MPHOSPH8: variants seen among roughly 807,000 people sequenced by gnomAD.
MPHOSPH8 encodes the protein M-phase phosphoprotein, mpp.
MPHOSPH8 carries 45 observed loss-of-function variants against 87.3 expected under a neutral mutation model. The observed-to-expected ratio is 0.52, with a 90% CI of 0.41 to 0.66. MPHOSPH8 has a LOEUF of 0.66. MPHOSPH8 is among the 30% of genes least tolerant of loss of function. The probability of loss-of-function intolerance (pLI) is 0.00; values close to 1 mark genes in which losing one functional copy is unlikely to be tolerated. For missense variants in MPHOSPH8, 883 were observed against 1,020.2 expected, an observed-to-expected ratio of 0.87 and a Z score of 1.83; for synonymous variants, 366 against 376.9, an observed-to-expected ratio of 0.97 and a Z score of 0.33.
intron 4 of MPHOSPH8, 57 bp downstream of exon 4, chr13:19,648,578 C>A: frequency 1.3e-6 from 1 of 753,016 alleles, no homozygotes; most frequent in Non-Finnish European, 1.9e-6. Flanking sequence ...TACAAATAAC[C>A]AGTTACCTAA....
At chr13:19,665,165 G>T (rs1429566617) in intron 9 of MPHOSPH8, among the ~76,000 whole-genome samples, 2 of 152,116 alleles carry the variant, frequency 1.3e-5, no homozygotes, top group Admixed American at 1.3e-4. Context: ...GAGCGGACAT[G>T]TAGCACTTAT....
At chr13:19,670,398 ATTC>A (rs1565945416) in intron 12 of MPHOSPH8, 35 bp downstream of exon 12, 2 of 1,598,980 alleles carry the variant, frequency 1.3e-6, no homozygotes, top group Non-Finnish European at 1.7e-6. Context: ...TGAAAAGTAC[ATTC>A]TTCTAATCAA....
intron 5 of MPHOSPH8, among the ~76,000 whole-genome samples, chr13:19,654,177 A>T (rs970059324): frequency 6.6e-6 from 1 of 152,246 alleles, no homozygotes; most frequent in African/African-American, 2.4e-5. Context: ...TTACCCACAA[A>T]GGGAAGCCTG....
rs764340085 is a variant in MPHOSPH8 at position 19,661,795 on chromosome 13, G to A, written c.1889G>A (p.Arg630Gln). The A allele has an allele frequency of 1.2e-5, 20 of 1,613,352 alleles. No individual in the cohort carries two copies. The highest frequency in any genetic ancestry group is 3.3e-5 in the Admixed American group (2 of 59,948). ...LITKGAKVNG[R>Q]QKNGTTALIH... ...ACAAAAGGCGCGAAAGTGAACGGTC[G>A]GCAGAAGAACGGGACCACCGCCCTC... Residue 630 changes from arginine (R) to glutamine (Q), a missense_variant, in exon 8 of 14, where the codon CGG becomes CAG. By Grantham distance (43) the Arg-to-Gln change is conservative (BLOSUM62 1). Around this residue, in one of 3 missense-constraint regions of MPHOSPH8, gnomAD observed 741 missense variants for 841.5 expected, o/e 0.88. Coordinates refer to ENST00000361479, the MANE Select transcript of MPHOSPH8 (RefSeq NM_017520.4).
rs751591575 is a variant in MPHOSPH8, at chr13:19,661,805, C to A, written c.1899C>A (p.Asn633Lys). 6 of 1,613,100 alleles carry A rather than the reference C, an allele frequency of 3.7e-6. No individual in the cohort carries two copies. The highest frequency in any genetic ancestry group is 1.1e-5 in the South Asian group (1 of 90,868). Residue 633 changes from asparagine to lysine, a missense_variant, in exon 8 of 14, where the codon AAC becomes AAA. Around this residue, in one of 3 missense-constraint regions of MPHOSPH8, gnomAD observed 741 missense variants for 841.5 expected, o/e 0.88. Transcript: ENST00000361479. The part of the protein sequence containing the change: ...KGAKVNGRQK[N>K]GTTALIHAAE... ...CGAAAGTGAACGGTCGGCAGAAGAA[C>A]GGGACCACCGCCCTCATTCATGCTG...
chr13:19,638,982 G>C (rs148733103), intron 1 of MPHOSPH8, among the ~76,000 whole-genome samples: 2,535 of 151,422 alleles, frequency 0.017, 66 homozygotes, highest in African/African-American at 0.057. Context: ...ACTTGGGAGG[G>C]AGAGGCAGGA....
chr13:19,666,025 CTG>C (rs1875795174), intron 9 of MPHOSPH8, among the ~76,000 whole-genome samples: 1 of 152,300 alleles, frequency 6.6e-6, no homozygotes, highest in Admixed American at 6.5e-5. Context: ...TTACGTATCT[CTG>C]CGCCTCGCTG....
At chr13:19,650,708 G>T (rs1198810455) in intron 5 of MPHOSPH8, among the ~76,000 whole-genome samples, 2 of 152,198 alleles carry the variant, frequency 1.3e-5, no homozygotes, top group Non-Finnish European at 2.9e-5. Context: ...GACTACAGTA[G>T]TGGTGGGGAG....
chr13:19,669,616 C>G, intron 11 of MPHOSPH8, among the ~76,000 whole-genome samples: 1 of 150,840 alleles, frequency 6.6e-6, no homozygotes, highest in East Asian at 2.0e-4. Flanking sequence ...TCAAGCAATT[C>G]TCCTGCCTCA....
chr13:19,664,027 G>A (rs1057390029), intron 9 of MPHOSPH8, among the ~76,000 whole-genome samples: 5 of 152,050 alleles, frequency 3.3e-5, no homozygotes, highest in African/African-American at 7.2e-5. Context: ...TCTGTCGCCC[G>A]GGCTGGAGTG....
In MPHOSPH8 at chr13:19,633,805, C is replaced by T. The variant is rs113455539; in HGVS notation, c.57C>T (p.Asp19=). 2.2e-3 allele frequency: 3,589 copies of T among 1,609,476 alleles called. 72 individuals are homozygous for T. In the African/African-American group the frequency reaches 0.037, roughly 17 times the overall value. ...RVTAVPVSAA[D]STEELAEVEE... The stretch of plus-strand genomic sequence containing the variant: ...CCGCAGTCCCTGTGTCAGCTGCCGA[C>T]AGCACTGAGGAGTTGGCCGAAGTCG... The change falls in exon 1 of 14, where the codon GAC becomes GAT. Residue 19 remains aspartate (D), a synonymous_variant. Coordinates refer to ENST00000361479, the MANE Select transcript of MPHOSPH8 (RefSeq NM_017520.4).
chr13:19,647,605 A>G (rs1243172116), intron 3 of MPHOSPH8, among the ~76,000 whole-genome samples: 1 of 152,228 alleles, frequency 6.6e-6, no homozygotes. Context: ...TTAACTTTTC[A>G]CATCCTGCTT....
intron 5 of MPHOSPH8, among the ~76,000 whole-genome samples, chr13:19,658,780 G>C (rs1875346536): frequency 6.6e-6 from 1 of 152,096 alleles, no homozygotes; most frequent in Non-Finnish European, 1.5e-5. Flanking sequence ...TTATCTTTAT[G>C]CCTTCAGAGT....
chr13:19,670,152 G>C (rs543636754), intron 11 of MPHOSPH8, 84 bp from the exon 12 acceptor site: 4 of 1,539,162 alleles, frequency 2.6e-6, no homozygotes, highest in Middle Eastern at 1.7e-4. Context: ...CCAGCTCAGG[G>C]GCCTGCTTCC....
rs12429180 is a variant in MPHOSPH8 at position 19,670,883 on chromosome 13, G to A, written c.2458-323G>A. 3,597 of 1,050,370 alleles carry A rather than the reference G, an allele frequency of 3.4e-3. 139 individuals carry two copies. The Admixed American group carries it at 0.059, about 17-fold the overall frequency. The allele number at this position is 1,050,370 out of a possible 1,614,324, so 65.1% of individuals were successfully genotyped here. On this transcript the variant is annotated intron_variant, in intron 12 of 13. Transcript: ENST00000361479. ...GTCCAGGCTGGAGTGCAGTGGCGCG[G>A]ATTACAGCTCACTGGAGTCTTGACT...
intron 11 of MPHOSPH8, among the ~76,000 whole-genome samples, chr13:19,669,994 A>C (rs1484936430): frequency 6.6e-6 from 1 of 152,194 alleles, no homozygotes; most frequent in East Asian, 1.9e-4. Context: ...ATCATACGTA[A>C]GTCTTTTCCA....
At chr13:19,642,037 T>G in intron 1 of MPHOSPH8, 78 bp from the exon 2 acceptor site, 1 of 888,350 alleles carries the variant, frequency 1.1e-6, no homozygotes, top group Non-Finnish European at 1.5e-6. Context: ...TGTCTTCTCA[T>G]CAGTTTTTTT....
chr13:19,659,703 A>T (rs938412305), intron 7 of MPHOSPH8: 10 of 426,730 alleles, frequency 2.3e-5, no homozygotes, highest in Non-Finnish European at 4.6e-5. Flanking sequence ...TTTGTAAAAT[A>T]AAAAAATTGT....
rs1356959355 is a variant in MPHOSPH8 at position 19,658,991 on chromosome 13, C to T, written c.1577-4C>T. On this transcript the variant is annotated splice_polypyrimidine_tract_variant and splice_region_variant and intron_variant, in intron 5 of 13. Transcript: ENST00000361479. ...TATGTTAACAAGGCTATTGTGTGTTCCAGATGGCAGGCAGCAGATTCTGAG... is the reference window on the plus strand; with the variant it reads ...TATGTTAACAAGGCTATTGTGTGTTTCAGATGGCAGGCAGCAGATTCTGAG... 1.2e-6 allele frequency: 2 copies of T among 1,611,694 alleles called. No homozygotes were observed. The highest frequency in any genetic ancestry group is 1.7e-6 in the Non-Finnish European group (2 of 1,179,474).
Sources: gnomAD v4.1 joint callset for allele counts (sites outside exome capture counted in the v4.1 genomes callset) on GRCh38, gnomAD v4.1.1 for gene constraint, gnomAD v4.1.1 regional missense constraint, MANE v1.5 for transcripts, NCBI Gene and HGNC (gene_info 2026-07-23, HGNC 2026-07-21) for gene names.